GRM5: variants seen among roughly 807,000 people sequenced by gnomAD.
The protein encoded by GRM5 is metabotropic glutamate receptor 5.
A neutral mutation model predicts 83.1 loss-of-function variants in GRM5; 19 were observed. That is an observed-to-expected ratio of 0.23 (90% CI 0.16 to 0.34). The LOEUF (loss-of-function observed/expected upper bound fraction) is 0.34, where lower values mean the gene tolerates loss of function less well. Ranked by LOEUF, GRM5 falls within the 10% of genes least tolerant of loss-of-function variation. GRM5 has a pLI of 1.00. For synonymous variants in GRM5, 675 were observed against 633.6 expected, an observed-to-expected ratio of 1.07 and a Z score of -0.98; for missense variants, 1,160 against 1,588.3, an observed-to-expected ratio of 0.73 and a Z score of 4.58.
intron 3 of GRM5, among the ~76,000 whole-genome samples, chr11:88,797,774 T>C (rs1241127834): frequency 2.6e-5 from 4 of 152,088 alleles, no homozygotes; most frequent in African/African-American, 9.7e-5. Flanking sequence ...TATCTAGATT[T>C]TGAATATATT....
At chr11:88,541,667 CTT>C (rs912981354) in intron 8 of GRM5, among the ~76,000 whole-genome samples, 3 of 152,124 alleles carry the variant, frequency 2.0e-5, no homozygotes, top group East Asian at 1.9e-4. Flanking sequence ...TTATGAATAA[CTT>C]ATATAACTTT....
At chr11:88,552,076 G>C (rs151137543) in intron 8 of GRM5, among the ~76,000 whole-genome samples, 94 of 151,384 alleles carry the variant, frequency 6.2e-4, no homozygotes, top group African/African-American at 2.2e-3. Context: ...CCAGGCTGGA[G>C]TGCAGTGGCA....
intron 2 of GRM5, among the ~76,000 whole-genome samples, chr11:88,936,233 A>G (rs1937888972): frequency 6.6e-6 from 1 of 151,948 alleles, no homozygotes; most frequent in Non-Finnish European, 1.5e-5. Flanking sequence ...TCTTCCTTGC[A>G]GGATGGTTGT....
At chr11:88,560,183 T>C (rs1307218147) in intron 8 of GRM5, among the ~76,000 whole-genome samples, 4 of 152,300 alleles carry the variant, frequency 2.6e-5, no homozygotes, top group East Asian at 1.9e-4. Context: ...AAGAACTTTA[T>C]GGCTCTATCC....
chr11:88,747,312 G>A (rs941473918), intron 3 of GRM5, among the ~76,000 whole-genome samples: 6 of 152,122 alleles, frequency 3.9e-5, no homozygotes, highest in Non-Finnish European at 7.3e-5. Context: ...ACATTCCTTA[G>A]ACTTAAGCAT....
chr11:88,527,388 G>A (rs1364418958), intron 8 of GRM5, among the ~76,000 whole-genome samples: 1 of 151,988 alleles, frequency 6.6e-6, no homozygotes, highest in African/African-American at 2.4e-5. Flanking sequence ...CACACACTCT[G>A]CCAGGTGACC....
intron 3 of GRM5, among the ~76,000 whole-genome samples, chr11:88,664,080 C>T (rs1018661309): frequency 6.6e-6 from 1 of 152,114 alleles, no homozygotes; most frequent in African/African-American, 2.4e-5. Context: ...GCTAAGTTCT[C>T]TGCAGAGTGC....
At chr11:88,518,663 T>A (rs2135093707) in intron 9 of GRM5, among the ~76,000 whole-genome samples, 1 of 152,160 alleles carries the variant, frequency 6.6e-6, no homozygotes, top group Admixed American at 6.5e-5. Flanking sequence ...CATACTGTCA[T>A]CCCTGCTTCC....
At chr11:88,553,456 T>C (rs1265345503) in intron 8 of GRM5, among the ~76,000 whole-genome samples, 1 of 152,162 alleles carries the variant, frequency 6.6e-6, no homozygotes, top group Admixed American at 6.6e-5. Flanking sequence ...ATTGTCATAA[T>C]GTGTCTGCCT....
chr11:88,902,531 T>C (rs1347155530), intron 2 of GRM5, among the ~76,000 whole-genome samples: 1 of 152,170 alleles, frequency 6.6e-6, no homozygotes, highest in Non-Finnish European at 1.5e-5. Flanking sequence ...AAATATTTAT[T>C]GGTGCTAGAC....
chr11:88,848,617 G>A lies in GRM5; in HGVS notation c.911+1289C>T, dbSNP rs187208577. On this transcript the variant is annotated intron_variant, in intron 3 of 9. Transcript: ENST00000305447. ...TGTTTTAAAGGTATGCAATGAAGAA[G>A]CAGCTTCCCTACCACTTATAAGTTC... 3.9e-5 allele frequency among the ~76,000 whole-genome samples: 6 copies of A among 152,318 alleles called. 1 individual carries two copies. Among genetic ancestry groups the A allele is most frequent in the Admixed American group, 3.9e-4 (6 of 15,300 alleles).
chr11:88,604,963 A>T lies in GRM5; in HGVS notation c.1149T>A (p.Ser383Arg). The change falls in exon 5 of 10, where the codon AGT becomes AGA. Residue 383 changes from serine to arginine, a missense_variant and splice_region_variant. Physicochemically the swap from Ser to Arg is moderately radical, Grantham distance 110 (BLOSUM62 -1). Transcript: ENST00000305447. ...CATGATGTGTTTTCAGAGTCAGAGAACCTGTTGGGAAACAAATTAAGCATA... is the reference window on the plus strand; with the variant it reads ...CATGATGTGTTTTCAGAGTCAGAGATCCTGTTGGGAAACAAATTAAGCATA... ...ENSKYNKTCN[S>R]SLTLKTHHVQ... 2.5e-6 allele frequency: 4 copies of T among 1,611,626 alleles called. No individual in the cohort carries two copies. The highest frequency in any genetic ancestry group is 3.4e-6 in the Non-Finnish European group (4 of 1,178,084).
At chr11:88,805,555 G>A (rs1017018903) in intron 3 of GRM5, among the ~76,000 whole-genome samples, 3 of 151,480 alleles carry the variant, frequency 2.0e-5, no homozygotes, top group African/African-American at 7.3e-5. Context: ...CCAAAAAATA[G>A]AGCAGTTTAA....
intron 2 of GRM5, among the ~76,000 whole-genome samples, chr11:89,033,169 TTAGTACAGA>T (rs1187279790): frequency 6.6e-6 from 1 of 151,988 alleles, no homozygotes; most frequent in Admixed American, 6.6e-5. Context: ...TAACAAAACA[TTAGTACAGA>T]AAGTGCAGGT....
At chr11:88,768,212 C>T (rs1032793838) in intron 3 of GRM5, among the ~76,000 whole-genome samples, 5 of 151,800 alleles carry the variant, frequency 3.3e-5, no homozygotes, top group South Asian at 2.1e-4. Context: ...GATGGATGGA[C>T]GGATGGATAA....
rs1942024743 is a variant in GRM5, at chr11:89,062,971, G to T, written c.-201+2805C>A. ...GAAGAGGAAAGAGCGGGAGGGCTCA[G>T]GCTGGTGTTCAAAGAGAGGCAATAT... On this transcript the variant is annotated intron_variant, in intron 1 of 9. Coordinates refer to ENST00000305447, the MANE Select transcript of GRM5 (RefSeq NM_001143831.3). Among the ~76,000 whole-genome samples the T allele has an allele frequency of 1.3e-5, 2 of 152,400 alleles. 1 individual carries two copies. The highest frequency in any genetic ancestry group is 4.1e-4 in the South Asian group (2 of 4,834).
intron 2 of GRM5, among the ~76,000 whole-genome samples, chr11:88,991,595 C>T (rs1396565892): frequency 2.7e-5 from 4 of 149,580 alleles, no homozygotes; most frequent in African/African-American, 9.8e-5. Context: ...AGGCATCACA[C>T]TACCTGACTT....
At chr11:88,509,576 G>C in intron 9 of GRM5, 72 bp from the exon 10 acceptor site, 3 of 1,147,590 alleles carry the variant, frequency 2.6e-6, no homozygotes, top group Non-Finnish European at 3.9e-6. Context: ...TTCCCCAATG[G>C]TGGTTGCTCA....
intron 3 of GRM5, among the ~76,000 whole-genome samples, chr11:88,818,312 A>C (rs189956550): frequency 3.3e-5 from 5 of 152,186 alleles, no homozygotes; most frequent in Admixed American, 2.0e-4. Flanking sequence ...TGACAGAAAA[A>C]TAATCAGCCT....
Sources: gnomAD v4.1 joint callset for allele counts (sites outside exome capture counted in the v4.1 genomes callset) on GRCh38, gnomAD v4.1.1 for gene constraint, MANE v1.5 for transcripts, NCBI Gene and HGNC (gene_info 2026-07-23, HGNC 2026-07-21) for gene names.